The following PTPRD variants were observed in gnomAD, a reference collection of about 807,000 sequenced individuals.
PTPRD encodes receptor-type tyrosine-protein phosphatase delta.
PTPRD carries 34 observed loss-of-function variants against 214.5 expected under a neutral mutation model. The ratio of observed to expected loss-of-function variants is 0.16; its 90% CI spans 0.12 to 0.21. The LOEUF is 0.21. Ranked by LOEUF, PTPRD falls within the 10% of genes least tolerant of loss-of-function variation. The pLI, the probability that PTPRD is intolerant of heterozygous loss-of-function variation, is 1.00. For synonymous variants in PTPRD, 1,128 were observed against 845.7 expected, an observed-to-expected ratio of 1.33 and a Z score of -5.79; for missense variants, 2,545 against 2,398.7, an observed-to-expected ratio of 1.06 and a Z score of -1.27.
At chr9:10,473,439 T>C (rs1313566955) in intron 2 of PTPRD, among the ~76,000 whole-genome samples, 2 of 152,082 alleles carry the variant, frequency 1.3e-5, no homozygotes, top group African/African-American at 4.8e-5. Flanking sequence ...AATAGTGAAC[T>C]TGGAAGAAGA....
intron 7 of PTPRD, among the ~76,000 whole-genome samples, chr9:9,705,076 G>A (rs2097573962): frequency 6.6e-6 from 1 of 152,190 alleles, no homozygotes; most frequent in Non-Finnish European, 1.5e-5. Flanking sequence ...TGGAAGCAAT[G>A]TGAGCATTTT....
intron 3 of PTPRD, among the ~76,000 whole-genome samples, chr9:10,256,573 G>A (rs1205085098): frequency 6.6e-6 from 1 of 152,104 alleles, no homozygotes; most frequent in Non-Finnish European, 1.5e-5. Flanking sequence ...TTGTCAAGTG[G>A]TTTTTTATTA....
At chr9:9,255,188 T>G (rs2099977210) in intron 9 of PTPRD, among the ~76,000 whole-genome samples, 1 of 152,096 alleles carries the variant, frequency 6.6e-6, no homozygotes, top group Non-Finnish European at 1.5e-5. Flanking sequence ...AACATTAACT[T>G]GCTTTTAGGT....
chr9:10,022,491 T>C (rs2096842940), intron 4 of PTPRD, among the ~76,000 whole-genome samples: 1 of 151,934 alleles, frequency 6.6e-6, no homozygotes, highest in South Asian at 2.1e-4. Flanking sequence ...AGATTATTAG[T>C]ATTAGGTTGA....
intron 9 of PTPRD, among the ~76,000 whole-genome samples, chr9:9,228,577 G>A (rs1465928591): frequency 6.6e-6 from 1 of 151,184 alleles, no homozygotes; most frequent in South Asian, 2.1e-4. Flanking sequence ...TGGACTTTAG[G>A]GTAAACAGGT....
At chr9:8,935,477 T>C (rs553676287) in intron 11 of PTPRD, among the ~76,000 whole-genome samples, 2 of 152,270 alleles carry the variant, frequency 1.3e-5, no homozygotes, top group South Asian at 4.1e-4. Flanking sequence ...GGATTTAAAA[T>C]ACCAGCAAAC....
chr9:9,298,191 G>A (rs1953850646), intron 9 of PTPRD, among the ~76,000 whole-genome samples: 1 of 151,538 alleles, frequency 6.6e-6, no homozygotes, highest in Non-Finnish European at 1.5e-5. Flanking sequence ...TATGAAACAT[G>A]TTATTAACCT....
intron 4 of PTPRD, among the ~76,000 whole-genome samples, chr9:10,001,267 C>T (rs1307302734): frequency 1.3e-5 from 2 of 151,992 alleles, no homozygotes; most frequent in African/African-American, 2.4e-5. Context: ...ACCGAGCCCC[C>T]AAAACCTGTG....
chr9:9,652,806 G>T (rs1039979643), intron 7 of PTPRD, among the ~76,000 whole-genome samples: 3 of 151,566 alleles, frequency 2.0e-5, no homozygotes, highest in African/African-American at 7.3e-5. Context: ...TAGTGATGGG[G>T]CTTCACCATA....
At chr9:9,920,996 C>G (rs1337913437) in intron 5 of PTPRD, among the ~76,000 whole-genome samples, 1 of 152,114 alleles carries the variant, frequency 6.6e-6, no homozygotes, top group African/African-American at 2.4e-5. Flanking sequence ...CTTATCAATT[C>G]ATTACTACTT....
intron 5 of PTPRD, among the ~76,000 whole-genome samples, chr9:9,878,405 C>A (rs772683277): frequency 1.3e-5 from 2 of 152,090 alleles, no homozygotes; most frequent in African/African-American, 2.4e-5. Flanking sequence ...ATTATAGGGA[C>A]AGCATACTGA....
intron 7 of PTPRD, among the ~76,000 whole-genome samples, chr9:9,714,845 T>C (rs1002743502): frequency 6.6e-6 from 1 of 152,182 alleles, no homozygotes; most frequent in African/African-American, 2.4e-5. Flanking sequence ...TCAATATTCC[T>C]TTCCTTCCTT....
chr9:9,736,776 T>C (rs1357833739), intron 6 of PTPRD, among the ~76,000 whole-genome samples: 1 of 152,064 alleles, frequency 6.6e-6, no homozygotes, highest in Non-Finnish European at 1.5e-5. Context: ...TTATGCATTT[T>C]ATATGGGTAG....
chr9:9,106,339 C>A (rs753309455), intron 10 of PTPRD, among the ~76,000 whole-genome samples: 2 of 151,572 alleles, frequency 1.3e-5, no homozygotes, highest in Non-Finnish European at 2.9e-5. Flanking sequence ...TAGGCATGTA[C>A]CATTTGTGTT....
At chr9:9,363,111 C>CTTTTTTTTTTTTTTTTTTTTTTTT (rs3048061) in intron 9 of PTPRD, among the ~76,000 whole-genome samples, 1 of 129,862 alleles carries the variant, frequency 7.7e-6, no homozygotes. Flanking sequence ...CTATTTTGTG[C>CTTTTTTTTTTTTTTTTTTTTTTTT]TTTTTTTTTT....
intron 7 of PTPRD, among the ~76,000 whole-genome samples, chr9:9,621,127 A>C (rs2095217792): frequency 6.6e-6 from 1 of 152,212 alleles, no homozygotes; most frequent in African/African-American, 2.4e-5. Context: ...ACCAGGCTGT[A>C]AGAATACCAA....
chr9:8,938,942 A>G lies in PTPRD; in HGVS notation c.-104+79755T>C, dbSNP rs74633962. On this transcript the variant is annotated intron_variant, in intron 11 of 45. Transcript: ENST00000381196. ...TTTGTCCAGCTCAGTTCCATTACGT[A>G]AAAGCTGTCTGTCTGTCTGAGCTTG... 9.9e-5 allele frequency among the ~76,000 whole-genome samples: 15 copies of G among 152,280 alleles called. No homozygotes were observed. In the East Asian group the frequency reaches 2.9e-3, roughly 29 times the overall value.
intron 4 of PTPRD, among the ~76,000 whole-genome samples, chr9:10,012,492 C>T (rs2096622024): frequency 6.6e-6 from 1 of 151,936 alleles, no homozygotes; most frequent in Non-Finnish European, 1.5e-5. Context: ...ACAATCCTTT[C>T]ACCACACCTT....
intron 14 of PTPRD, among the ~76,000 whole-genome samples, chr9:8,612,963 G>A (rs1237690174): frequency 1.3e-5 from 2 of 152,014 alleles, no homozygotes; most frequent in Non-Finnish European, 2.9e-5. Flanking sequence ...GACTGATTAG[G>A]TATTAAAACT....
Sources: allele counts gnomAD v4.1 joint callset (sites outside exome capture counted in the v4.1 genomes callset), GRCh38; gene constraint gnomAD v4.1.1; transcripts MANE v1.5; gene names NCBI Gene and HGNC (gene_info 2026-07-23, HGNC 2026-07-21).